The following LRRC4C variants were observed in gnomAD, a reference collection of about 807,000 sequenced individuals.
The protein encoded by LRRC4C is leucine-rich repeat-containing protein 4C.
In LRRC4C, 5 loss-of-function variants were observed where a neutral mutation model predicts 33.6. The ratio of observed to expected loss-of-function variants is 0.15; its 90% confidence interval spans 0.08 to 0.31. The LOEUF (loss-of-function observed/expected upper bound fraction) is 0.31. Among genes scored for constraint, LRRC4C ranks in the 10% least tolerant of loss-of-function variants. The pLI is 1.00. For synonymous variants in LRRC4C, 329 were observed against 302.0 expected, an observed-to-expected ratio of 1.09 and a Z score of -0.93; for missense variants, 560 against 796.7, an observed-to-expected ratio of 0.70 and a Z score of 3.58.
At chr11:41,398,326 A>C (rs1953898534) in intron 1 of LRRC4C, among the ~76,000 whole-genome samples, 1 of 151,886 alleles carries the variant, frequency 6.6e-6, no homozygotes, top group Non-Finnish European at 1.5e-5. Flanking sequence ...TGTAGTACGT[A>C]CCACCTACAA....
chr11:41,210,303 C>T (rs1946769205), intron 1 of LRRC4C, among the ~76,000 whole-genome samples: 1 of 152,106 alleles, frequency 6.6e-6, no homozygotes, highest in Admixed American at 6.6e-5. Context: ...TGGGAGATAA[C>T]TGAATCATGG....
At chr11:40,626,928 C>T (rs1485490366) in intron 3 of LRRC4C, among the ~76,000 whole-genome samples, 6 of 152,152 alleles carry the variant, frequency 3.9e-5, no homozygotes, top group Non-Finnish European at 7.4e-5. Context: ...ATCTTCTCCT[C>T]TTTATGTAAC....
chr11:40,249,904 AG>A (rs1272388804), intron 4 of LRRC4C, among the ~76,000 whole-genome samples: 1 of 152,234 alleles, frequency 6.6e-6, no homozygotes, highest in Non-Finnish European at 1.5e-5. Flanking sequence ...TACCCAATTT[AG>A]TGCAGAATAA....
chr11:40,845,194 T>C (rs936783743), intron 2 of LRRC4C, among the ~76,000 whole-genome samples: 9 of 152,142 alleles, frequency 5.9e-5, no homozygotes, highest in Non-Finnish European at 1.0e-4. Context: ...CTGACATACA[T>C]GTGCAGAATG....
chr11:40,810,014 C>T (rs1289949196), intron 2 of LRRC4C, among the ~76,000 whole-genome samples: 5 of 152,162 alleles, frequency 3.3e-5, no homozygotes, highest in Non-Finnish European at 7.4e-5. Flanking sequence ...TTCATTTAGG[C>T]ATTTTCCTCA....
chr11:40,792,175 A>G (rs1950648556), intron 2 of LRRC4C, among the ~76,000 whole-genome samples: 2 of 152,102 alleles, frequency 1.3e-5, no homozygotes, highest in African/African-American at 2.4e-5. Context: ...CTAATTTGAT[A>G]TTGAAGAAAA....
At chr11:40,592,022 A>G (rs1372159772) in intron 3 of LRRC4C, among the ~76,000 whole-genome samples, 2 of 149,852 alleles carry the variant, frequency 1.3e-5, no homozygotes, top group East Asian at 3.8e-4. Flanking sequence ...CCAATTCATG[A>G]ATCACTATTC....
chr11:40,551,041 C>T (rs999029435), intron 3 of LRRC4C, among the ~76,000 whole-genome samples: 3 of 152,056 alleles, frequency 2.0e-5, no homozygotes, highest in Non-Finnish European at 4.4e-5. Context: ...TTAAAGAGAT[C>T]CTAACACCTC....
chr11:41,309,499 T>C (rs12280179), intron 1 of LRRC4C, among the ~76,000 whole-genome samples: 24,906 of 152,098 alleles, frequency 0.16, 2,428 homozygotes, highest in East Asian at 0.44. Context: ...ACCCAGAATA[T>C]TTCCATTTTA....
chr11:40,342,378 A>G (rs1390453295), intron 3 of LRRC4C, among the ~76,000 whole-genome samples: 2 of 152,146 alleles, frequency 1.3e-5, no homozygotes, highest in African/African-American at 4.8e-5. Flanking sequence ...CTGAGGCTGG[A>G]GGATCCCTTG....
chr11:40,719,766 C>T (rs1946915843), intron 2 of LRRC4C, among the ~76,000 whole-genome samples: 1 of 152,102 alleles, frequency 6.6e-6, no homozygotes, highest in Non-Finnish European at 1.5e-5. Flanking sequence ...ACCCTTTAAA[C>T]CACAATTATT....
At chr11:40,541,640 C>T (rs879530670) in intron 3 of LRRC4C, among the ~76,000 whole-genome samples, 1 of 152,126 alleles carries the variant, frequency 6.6e-6, no homozygotes, top group Admixed American at 6.6e-5. Flanking sequence ...TATTGGAGCA[C>T]ATTCTCCATC....
intron 3 of LRRC4C, among the ~76,000 whole-genome samples, chr11:40,619,756 T>A (rs1962255579): frequency 6.6e-6 from 1 of 151,548 alleles, no homozygotes; most frequent in Non-Finnish European, 1.5e-5. Context: ...AAATGTACAT[T>A]TCTCAGGATA....
chr11:40,163,854 T>C (rs1014776866), intron 5 of LRRC4C, among the ~76,000 whole-genome samples: 1 of 152,170 alleles, frequency 6.6e-6, no homozygotes, highest in Non-Finnish European at 1.5e-5. Flanking sequence ...TGCTTTTTTT[T>C]GCTTTTGCAA....
intron 2 of LRRC4C, among the ~76,000 whole-genome samples, chr11:40,911,304 G>A (rs1956671691): frequency 6.6e-6 from 1 of 152,182 alleles, no homozygotes; most frequent in East Asian, 1.9e-4. Flanking sequence ...CCGAGTAGGG[G>A]CAGACTGACA....
chr11:41,285,879 G>T (rs1383295573), intron 1 of LRRC4C, among the ~76,000 whole-genome samples: 2 of 151,802 alleles, frequency 1.3e-5, no homozygotes, highest in African/African-American at 2.4e-5. Context: ...ACCCAGGCTG[G>T]AGCGCAGTGG....
At chr11:40,408,710 T>C (rs1217303376) in intron 3 of LRRC4C, among the ~76,000 whole-genome samples, 1 of 151,888 alleles carries the variant, frequency 6.6e-6, no homozygotes, top group Non-Finnish European at 1.5e-5. Context: ...TTGTGACACA[T>C]GATAATATTT....
intron 1 of LRRC4C, among the ~76,000 whole-genome samples, chr11:41,150,587 T>G (rs1487702032): frequency 1.3e-5 from 2 of 151,906 alleles, no homozygotes; most frequent in African/African-American, 4.8e-5. Context: ...GTAAGGAGTT[T>G]GAGACCAGCC....
At chr11:40,234,043 C>T (rs888544341) in intron 5 of LRRC4C, among the ~76,000 whole-genome samples, 2 of 152,210 alleles carry the variant, frequency 1.3e-5, no homozygotes, top group Non-Finnish European at 2.9e-5. Context: ...TTCTAAGGTA[C>T]TTCCCCAAGG....
Sources: gnomAD v4.1 joint callset for allele counts (sites outside exome capture counted in the v4.1 genomes callset) on GRCh38, gnomAD v4.1.1 for gene constraint, MANE v1.5 for transcripts, NCBI Gene and HGNC (gene_info 2026-07-23, HGNC 2026-07-21) for gene names.